PDE10A: variants seen among roughly 807,000 people sequenced by gnomAD.
PDE10A encodes phosphodiesterase 10A.
Under a neutral mutation model 97.7 loss-of-function variants are expected in PDE10A, and 39 were observed. The observed-to-expected ratio is 0.40, with a 90% CI of 0.31 to 0.52. PDE10A has a LOEUF of 0.52. PDE10A is among the 20% of genes least tolerant of loss of function. The probability of loss-of-function intolerance (pLI) is 0.56; values close to 1 mark genes in which losing one functional copy is unlikely to be tolerated. For synonymous variants in PDE10A, 371 were observed against 376.8 expected (o/e 0.98, Z 0.18); for missense variants, 731 against 1,047.8 (o/e 0.70, Z 4.17).
At chr6:165,567,663 A>AAT (rs1784840469) in intron 1 of PDE10A, among the ~76,000 whole-genome samples, 1 of 152,200 alleles carries the variant, frequency 6.6e-6, no homozygotes, top group African/African-American at 2.4e-5. Context: ...ACTTTTTAAA[A>AAT]ATATATATAT....
At chr6:165,905,197 C>T (rs927480118) in intron 1 of PDE10A, among the ~76,000 whole-genome samples, 1 of 152,104 alleles carries the variant, frequency 6.6e-6, no homozygotes, top group African/African-American at 2.4e-5. Context: ...TATTTTCATA[C>T]CATAACCTTA....
intron 2 of PDE10A, among the ~76,000 whole-genome samples, chr6:165,514,584 T>C (rs918615208): frequency 1.3e-5 from 2 of 152,178 alleles, no homozygotes; most frequent in African/African-American, 4.8e-5. Flanking sequence ...GAAACAGGTT[T>C]ACCCCAATCT....
intron 1 of PDE10A, among the ~76,000 whole-genome samples, chr6:165,757,461 C>T (rs1292751416): frequency 6.6e-6 from 1 of 152,168 alleles, no homozygotes; most frequent in Non-Finnish European, 1.5e-5. Context: ...CATTTCTATG[C>T]CGACTTTATA....
chr6:165,602,320 C>A (rs1369653464), intron 1 of PDE10A, among the ~76,000 whole-genome samples: 1 of 152,170 alleles, frequency 6.6e-6, no homozygotes, highest in African/African-American at 2.4e-5. Flanking sequence ...CAACCAAGAG[C>A]CCTAGGAGGC....
chr6:165,616,767 G>C (rs942877745), intron 1 of PDE10A, among the ~76,000 whole-genome samples: 1 of 152,130 alleles, frequency 6.6e-6, no homozygotes, highest in African/African-American at 2.4e-5. Flanking sequence ...TACTCAAATA[G>C]ATGAAAATTA....
intron 1 of PDE10A, among the ~76,000 whole-genome samples, chr6:165,812,903 G>A (rs1290305433): frequency 1.3e-5 from 2 of 152,108 alleles, no homozygotes; most frequent in Non-Finnish European, 2.9e-5. Flanking sequence ...AATTAGATCA[G>A]GTTTCATGGA....
At chr6:165,383,515 G>A (rs751484089) in intron 17 of PDE10A, among the ~76,000 whole-genome samples, 6 of 151,956 alleles carry the variant, frequency 3.9e-5, no homozygotes, top group Non-Finnish European at 7.4e-5. Flanking sequence ...CTGCCCCACC[G>A]GACACAGCTA....
chr6:165,686,796 G>A (rs1249995559), intron 1 of PDE10A, among the ~76,000 whole-genome samples: 2 of 152,188 alleles, frequency 1.3e-5, no homozygotes, highest in African/African-American at 4.8e-5. Context: ...GGTCCTTACG[G>A]GCATGAGCGG....
chr6:165,888,581 G>T (rs562646158), intron 1 of PDE10A, among the ~76,000 whole-genome samples: 1 of 152,284 alleles, frequency 6.6e-6, no homozygotes, highest in African/African-American at 2.4e-5. Flanking sequence ...ACCGCACCTG[G>T]CCTGCTTTTT....
chr6:165,737,422 C>T (rs1427888454), intron 1 of PDE10A, among the ~76,000 whole-genome samples: 4 of 152,058 alleles, frequency 2.6e-5, no homozygotes, highest in Admixed American at 6.5e-5. Flanking sequence ...ATTAGTAGCA[C>T]ATTAAGAGGA....
At chr6:165,845,259 C>T (rs960054775) in intron 1 of PDE10A, among the ~76,000 whole-genome samples, 26 of 152,132 alleles carry the variant, frequency 1.7e-4, no homozygotes, top group African/African-American at 6.3e-4. Flanking sequence ...GTGGGAGTCA[C>T]AGATTTAAAA....
intron 1 of PDE10A, among the ~76,000 whole-genome samples, chr6:165,755,902 C>A (rs573154228): frequency 6.6e-6 from 1 of 152,278 alleles, no homozygotes; most frequent in Admixed American, 6.5e-5. Context: ...TATTTCCCTG[C>A]AATTCTCCCT....
intron 1 of PDE10A, among the ~76,000 whole-genome samples, chr6:165,544,735 ACTG>A (rs1168986100): frequency 6.6e-6 from 1 of 152,070 alleles, no homozygotes; most frequent in African/African-American, 2.4e-5. Flanking sequence ...TAAAGTCACA[ACTG>A]TTGGGATTCT....
intron 20 of PDE10A, among the ~76,000 whole-genome samples, chr6:165,336,418 A>T (rs184966453): frequency 6.6e-6 from 1 of 152,326 alleles, no homozygotes; most frequent in African/African-American, 2.4e-5. Flanking sequence ...TAGAAATAAA[A>T]CACATGAAGA....
chr6:165,613,553 A>G (rs932163752), intron 1 of PDE10A, among the ~76,000 whole-genome samples: 1 of 151,980 alleles, frequency 6.6e-6, no homozygotes, highest in Non-Finnish European at 1.5e-5. Context: ...GTGTGGGGGG[A>G]TTCCTTGAGC....
At chr6:165,809,656 A>G (rs938184865) in intron 1 of PDE10A, among the ~76,000 whole-genome samples, 2 of 152,192 alleles carry the variant, frequency 1.3e-5, no homozygotes, top group African/African-American at 2.4e-5. Flanking sequence ...AAGCCTAGTG[A>G]GTGCTTAGTG....
chr6:165,905,417 T>C (rs1170700019), intron 1 of PDE10A, among the ~76,000 whole-genome samples: 1 of 152,194 alleles, frequency 6.6e-6, no homozygotes, highest in East Asian at 1.9e-4. Flanking sequence ...CGATCTTTTA[T>C]ATGTATTCAT....
intron 18 of PDE10A, among the ~76,000 whole-genome samples, chr6:165,367,809 CAAAAACA>C (rs913641969): frequency 3.2e-4 from 45 of 142,028 alleles, no homozygotes; most frequent in African/African-American, 1.1e-3. Context: ...TAAAAAAAAA[CAAAAACA>C]AAAAACAAAA....
intron 1 of PDE10A, among the ~76,000 whole-genome samples, chr6:165,803,680 A>G (rs776408691): frequency 6.6e-6 from 1 of 152,224 alleles, no homozygotes; most frequent in Non-Finnish European, 1.5e-5. Flanking sequence ...GTGAATTGCT[A>G]AAAATAAATA....
Sources: allele counts gnomAD v4.1 joint callset (sites outside exome capture counted in the v4.1 genomes callset), GRCh38; gene constraint gnomAD v4.1.1; transcripts MANE v1.5; gene names NCBI Gene and HGNC (gene_info 2026-07-23, HGNC 2026-07-21).